Variants in RICTOR observed in about 807,000 individuals in gnomAD.
RICTOR encodes the protein rapamycin-insensitive companion of mTOR.
RICTOR carries 49 observed loss-of-function variants against 214.9 expected under a neutral mutation model. That is an observed-to-expected ratio of 0.23 (90% confidence interval 0.18 to 0.29). The LOEUF (loss-of-function observed/expected upper bound fraction) is 0.29. Ranked by LOEUF, RICTOR falls within the 10% of genes least tolerant of loss-of-function variation. The pLI is 1.00. For missense variants in RICTOR, 1,625 were observed against 2,047.0 expected, an observed-to-expected ratio of 0.79 and a Z score of 3.98; for synonymous variants, 717 against 711.3, an observed-to-expected ratio of 1.01 and a Z score of -0.13.
chr5:38,959,688 C>A, intron 21 of RICTOR, 91 bp downstream of exon 21: 5 of 755,630 alleles, frequency 6.6e-6, no homozygotes, highest in South Asian at 3.9e-5. Flanking sequence ...CTTAACCAAA[C>A]ACATGTACAC....
rs1752659094 is a variant in RICTOR at position 38,990,743 on chromosome 5, A to ATC, written c.583+205_583+206insGA. Among the ~76,000 whole-genome samples, 6 of 58,630 alleles carry ATC rather than the reference A, an allele frequency of 1.0e-4. 1 individual carries two copies. The highest frequency in any genetic ancestry group is 2.2e-4 in the African/African-American group (4 of 17,888). The allele number at this position is 58,630 out of a possible 152,430, so 38.5% of individuals were successfully genotyped here. ...GATATATATCATATATATGATATAT[A>ATC]TGAGATATATGATATATATGAGATA... On this transcript the variant is annotated intron_variant, in intron 7 of 37. Coordinates refer to ENST00000357387, the MANE Select transcript of RICTOR (RefSeq NM_152756.5).
intron 2 of RICTOR, among the ~76,000 whole-genome samples, chr5:39,037,127 A>G (rs1403765776): frequency 1.3e-5 from 2 of 152,248 alleles, no homozygotes; most frequent in Non-Finnish European, 2.9e-5. Flanking sequence ...CTCTCAGACC[A>G]CAGTGCAATC....
intron 9 of RICTOR, among the ~76,000 whole-genome samples, chr5:38,976,676 A>G (rs1751254481): frequency 1.3e-5 from 2 of 152,188 alleles, no homozygotes; most frequent in African/African-American, 2.4e-5. Context: ...GTAATATTTT[A>G]AAAATCAGTC....
intron 2 of RICTOR, among the ~76,000 whole-genome samples, chr5:39,071,770 A>G (rs529609302): frequency 2.1e-4 from 32 of 152,354 alleles, no homozygotes; most frequent in Non-Finnish European, 4.1e-4. Context: ...GAGCTTTATT[A>G]GGTAACTACA....
chr5:39,051,363 T>C (rs1757827761), intron 2 of RICTOR, among the ~76,000 whole-genome samples: 1 of 152,186 alleles, frequency 6.6e-6, no homozygotes, highest in South Asian at 2.1e-4. Flanking sequence ...CTGTAAGATA[T>C]ACAAAATTTT....
chr5:39,024,015 C>T (rs778427883), intron 2 of RICTOR, among the ~76,000 whole-genome samples: 5 of 152,024 alleles, frequency 3.3e-5, no homozygotes, highest in Non-Finnish European at 7.4e-5. Context: ...TCCATGGACC[C>T]GGGGTGGGGA....
chr5:39,004,016 T>C (rs914536883), intron 3 of RICTOR, among the ~76,000 whole-genome samples: 3 of 152,152 alleles, frequency 2.0e-5, no homozygotes, highest in Admixed American at 6.5e-5. Context: ...TTTCACTTTC[T>C]CCCCTCACAT....
At chr5:38,985,651 C>T (rs1752107057) in intron 7 of RICTOR, among the ~76,000 whole-genome samples, 1 of 152,036 alleles carries the variant, frequency 6.6e-6, no homozygotes, top group South Asian at 2.1e-4. Context: ...CCACTGGCCC[C>T]AGTTTTTTCC....
chr5:39,073,172 A>G (rs986614011), intron 2 of RICTOR, among the ~76,000 whole-genome samples: 1 of 152,188 alleles, frequency 6.6e-6, no homozygotes, highest in African/African-American at 2.4e-5. Flanking sequence ...GACCTCAGAA[A>G]CTGATTCTGT....
chr5:39,041,940 C>CAA lies in RICTOR; in HGVS notation c.98-20806_98-20805dup, dbSNP rs35609106. Among the ~76,000 whole-genome samples the CAA allele has an allele frequency of 1.5e-3, 127 of 84,506 alleles. 1 individual carries two copies. Among genetic ancestry groups the CAA allele is most frequent in the African/African-American group, 2.0e-3 (50 of 25,194 alleles). 55.4% of individuals were successfully genotyped at this position (84,506 alleles called of 152,430 possible). The stretch of plus-strand genomic sequence containing the variant: ...TGGGTGACAGAGCAAGACCCTGTTT[C>CAA]AAAAAAAAAAAAAAAAAAAAAAATT... On this transcript the variant is annotated intron_variant, in intron 2 of 37. Coordinates refer to ENST00000357387, the MANE Select transcript of RICTOR (RefSeq NM_152756.5).
chr5:38,982,121 T>C, intron 7 of RICTOR, 85 bp from the exon 8 acceptor site: 2 of 994,020 alleles, frequency 2.0e-6, no homozygotes, highest in Non-Finnish European at 3.0e-6. Flanking sequence ...TAATTGCCTT[T>C]CTGACTTGAA....
chr5:39,060,936 C>T (rs1223836747), intron 2 of RICTOR, among the ~76,000 whole-genome samples: 3 of 151,928 alleles, frequency 2.0e-5, no homozygotes, highest in African/African-American at 7.2e-5. Context: ...AGTTAGGCAT[C>T]GCCCCATTTT....
chr5:39,031,975 T>C (rs1756308699), intron 2 of RICTOR, among the ~76,000 whole-genome samples: 1 of 152,188 alleles, frequency 6.6e-6, no homozygotes, highest in East Asian at 1.9e-4. Flanking sequence ...GAGAAAAGCA[T>C]TGCTTCAAAC....
chr5:38,945,306 C>A, intron 34 of RICTOR, 185 bp downstream of exon 34: 1 of 613,520 alleles, frequency 1.6e-6, no homozygotes, highest in Non-Finnish European at 2.8e-6. Flanking sequence ...CAGACTCAGG[C>A]CCCACTGTGA....
At chr5:39,045,808 T>C (rs1757448776) in intron 2 of RICTOR, among the ~76,000 whole-genome samples, 1 of 152,058 alleles carries the variant, frequency 6.6e-6, no homozygotes, top group Non-Finnish European at 1.5e-5. Context: ...GCTTACCTTC[T>C]TAGAAACTAA....
chr5:39,045,993 T>C (rs1158054613), intron 2 of RICTOR, among the ~76,000 whole-genome samples: 2 of 151,206 alleles, frequency 1.3e-5, no homozygotes, highest in Non-Finnish European at 2.9e-5. Context: ...CTATTCTTCA[T>C]GGATCGTCAG....
rs1011456766 is a variant in RICTOR, at chr5:38,938,857, A to C, written c.*3447T>G. 1 of 232,996 alleles carries C rather than the reference A, an allele frequency of 4.3e-6. No individual in the cohort carries two copies. The highest frequency in any genetic ancestry group is 2.2e-5 in the African/African-American group (1 of 45,336). The allele number at this position is 232,996 out of a possible 1,614,324, so 14.4% of individuals were successfully genotyped here. On this transcript the variant is annotated 3_prime_UTR_variant, in exon 38 of 38. Transcript: ENST00000357387. ...GACTTCCTAACTTACATTTTGGAAAATCTGAAATGTTGGTTCATTCCAAAT... is the reference window on the plus strand; with the variant it reads ...GACTTCCTAACTTACATTTTGGAAACTCTGAAATGTTGGTTCATTCCAAAT...
chr5:38,946,659 T>C, intron 32 of RICTOR, 107 bp from the exon 33 acceptor site: 1 of 670,214 alleles, frequency 1.5e-6, no homozygotes. Context: ...TACCATAGCA[T>C]ATGAACCTAT....
chr5:39,062,214 CAT>C (rs896014119), intron 2 of RICTOR, among the ~76,000 whole-genome samples: 4 of 152,094 alleles, frequency 2.6e-5, no homozygotes, highest in Non-Finnish European at 5.9e-5. Flanking sequence ...ACTAATACCA[CAT>C]GTGACAGATA....
Sources: gnomAD v4.1 joint callset for allele counts (sites outside exome capture counted in the v4.1 genomes callset) on GRCh38, gnomAD v4.1.1 for gene constraint, MANE v1.5 for transcripts, NCBI Gene and HGNC (gene_info 2026-07-23, HGNC 2026-07-21) for gene names.